Variants in SLC45A3 observed in about 807,000 individuals in gnomAD.
SLC45A3 encodes prostate cancer associated protein 2.
SLC45A3 carries 17 observed loss-of-function variants against 35.3 expected under a neutral mutation model. The observed-to-expected ratio is 0.48, with a 90% CI of 0.33 to 0.72. SLC45A3 has a LOEUF of 0.72. SLC45A3 is among the 30% of genes least tolerant of loss of function. The pLI is 0.02. For synonymous variants in SLC45A3, 288 were observed against 334.3 expected (o/e 0.86, Z 1.51); for missense variants, 597 against 731.7 (o/e 0.82, Z 2.12).
At chr1:205,667,971 TA>T (rs1671145924) in intron 1 of SLC45A3, among the ~76,000 whole-genome samples, 2 of 152,112 alleles carry the variant, frequency 1.3e-5, no homozygotes, top group Non-Finnish European at 2.9e-5. Context: ...CTTTACCTGG[TA>T]ACTTGGGGTT....
At chr1:205,678,613 C>A (rs942330361) in intron 1 of SLC45A3, among the ~76,000 whole-genome samples, 5 of 152,144 alleles carry the variant, frequency 3.3e-5, no homozygotes. Context: ...GGGAAGTTCA[C>A]CACACACTCC....
chr1:205,660,575 C>T (rs1198011208), intron 4 of SLC45A3, among the ~76,000 whole-genome samples: 2 of 152,146 alleles, frequency 1.3e-5, no homozygotes, highest in African/African-American at 2.4e-5. Context: ...AGGCAGACAG[C>T]GTGCAGTGCC....
In SLC45A3 at chr1:205,666,922, T is replaced by TC. The variant is rs988414690; in HGVS notation, c.-230-2037dup. On this transcript the variant is annotated intron_variant, in intron 1 of 4. Transcript: ENST00000367145. This position sits in a 1 kb window ranked among gnomAD's most constrained non-coding sequence, Gnocchi z 4.1. ...GCCAAAGGCTTCCAGCCCATTCCAC[T>TC]CCCCACCCTTGTTCTGGGAGGGCCC... Among the ~76,000 whole-genome samples the TC allele has an allele frequency of 6.6e-6, 1 of 152,056 alleles. No individual in the cohort carries two copies. The highest frequency in any genetic ancestry group is 2.4e-5 in the African/African-American group (1 of 41,396).
At chr1:205,680,170 C>T (rs1348132995) in intron 1 of SLC45A3, among the ~76,000 whole-genome samples, 1 of 151,662 alleles carries the variant, frequency 6.6e-6, no homozygotes, top group Non-Finnish European at 1.5e-5. Context: ...AGCGGGGACC[C>T]GTGCAGGCGC....
rs1287322095 is a variant in SLC45A3 at position 205,662,456 on chromosome 1, G to C, written c.959-330C>G. On this transcript the variant is annotated intron_variant, in intron 3 of 4. Coordinates refer to ENST00000367145, the MANE Select transcript of SLC45A3 (RefSeq NM_033102.3). This position sits in a 1 kb window ranked among gnomAD's most constrained non-coding sequence, Gnocchi z 6.2. ...TTCAAGACGCTTCTAGGACGCCTGA[G>C]CTGGAAGGCGCTGGTGAGATTATTT... 1.5e-6 allele frequency: 2 copies of C among 1,299,380 alleles called. No individual in the cohort carries two copies. The highest frequency in any genetic ancestry group is 3.1e-5 in the East Asian group (1 of 32,324). The allele number at this position is 1,299,380 out of a possible 1,614,324, so 80.5% of individuals were successfully genotyped here.
chr1:205,677,035 A>G (rs1003130945), intron 1 of SLC45A3, among the ~76,000 whole-genome samples: 3 of 152,196 alleles, frequency 2.0e-5, no homozygotes, highest in African/African-American at 7.2e-5. Flanking sequence ...CAGAATCCCA[A>G]CTTCAGGGCA....
intron 1 of SLC45A3, among the ~76,000 whole-genome samples, chr1:205,675,341 T>C (rs1287930594): frequency 1.3e-5 from 2 of 152,208 alleles, no homozygotes; most frequent in Non-Finnish European, 2.9e-5. Flanking sequence ...TTCTAGTTTC[T>C]ATGACCTGCC....
chr1:205,674,643 A>C (rs886181064), intron 1 of SLC45A3, among the ~76,000 whole-genome samples: 4 of 151,348 alleles, frequency 2.6e-5, no homozygotes, highest in African/African-American at 9.7e-5. Context: ...AAAGCATACA[A>C]ATTTATTTGA....
chr1:205,661,809 A>G lies in SLC45A3; in HGVS notation c.1224+52T>C, dbSNP rs1177126602. ...AGGTTCTGAGCTAGTTGGCCTCCCA[A>G]AAACCCAGACCACCCCTCCCACCCT... On this transcript the variant is annotated intron_variant, in intron 4 of 4. Coordinates refer to ENST00000367145, the MANE Select transcript of SLC45A3 (RefSeq NM_033102.3). 3.9e-5 allele frequency: 61 copies of G among 1,568,078 alleles called. No homozygotes were observed. The East Asian group carries it at 1.3e-3, about 34-fold the overall frequency.
intron 1 of SLC45A3, among the ~76,000 whole-genome samples, chr1:205,679,176 A>T (rs1217156666): frequency 1.3e-5 from 2 of 152,204 alleles, no homozygotes; most frequent in Non-Finnish European, 2.9e-5. Context: ...GCAGCAAGAC[A>T]GCAGCTGGGC....
chr1:205,668,084 T>C (rs1277083494), intron 1 of SLC45A3, among the ~76,000 whole-genome samples: 2 of 152,292 alleles, frequency 1.3e-5, no homozygotes, highest in East Asian at 3.9e-4. Flanking sequence ...AGTTCTACTC[T>C]GCCCAGCGGG....
intron 1 of SLC45A3, among the ~76,000 whole-genome samples, chr1:205,674,616 A>C (rs1171761151): frequency 6.6e-6 from 1 of 151,182 alleles, no homozygotes; most frequent in East Asian, 1.9e-4. Context: ...AAAAAAAAAA[A>C]AAAAAAAAAA....
At chr1:205,675,994 C>T (rs1012505378) in intron 1 of SLC45A3, among the ~76,000 whole-genome samples, 15 of 152,176 alleles carry the variant, frequency 9.9e-5, no homozygotes, top group African/African-American at 3.4e-4. Context: ...AGCACAGGCC[C>T]TGAGAAGAGT....
intron 1 of SLC45A3, among the ~76,000 whole-genome samples, chr1:205,679,578 T>C (rs1352641666): frequency 1.3e-5 from 2 of 151,986 alleles, no homozygotes; most frequent in Non-Finnish European, 2.9e-5. Context: ...CTGTTTGCCG[T>C]TTGCAGAACT....
chr1:205,665,575 C>T (rs1553247705), intron 1 of SLC45A3, among the ~76,000 whole-genome samples: 4 of 152,234 alleles, frequency 2.6e-5, no homozygotes, highest in Middle Eastern at 6.8e-3. Context: ...AGAGTGGAGC[C>T]GTCCCCAGGT....
intron 1 of SLC45A3, among the ~76,000 whole-genome samples, chr1:205,668,356 C>T (rs1671152197): frequency 6.6e-6 from 1 of 152,122 alleles, no homozygotes; most frequent in Non-Finnish European, 1.5e-5. Flanking sequence ...AACGGAGGAG[C>T]CCAGCCTTTC....
At chr1:205,674,266 C>CTT (rs1210750898) in intron 1 of SLC45A3, among the ~76,000 whole-genome samples, 1 of 121,848 alleles carries the variant, frequency 8.2e-6, no homozygotes, top group Non-Finnish European at 2.1e-5. Context: ...ACTGACACTT[C>CTT]TATAACGAAA....
intron 1 of SLC45A3, among the ~76,000 whole-genome samples, chr1:205,667,018 C>T (rs1671130137): frequency 6.6e-6 from 1 of 152,160 alleles, no homozygotes; most frequent in African/African-American, 2.4e-5. Context: ...TTGTTAGACC[C>T]AGCCTCGCCT....
rs1425732688 is a variant in SLC45A3 at position 205,659,354 on chromosome 1, G to A, written c.1542C>T (p.Val514=). ...AGGCAGTGACAGACTGGCTGAGCTG[G>A]ACAATGGAGCCCATAAACAGGGATG... ...VAPSLFMGSI[V]QLSQSVTAYM... Residue 514 remains valine, a synonymous_variant, in exon 5 of 5, where the codon GTC becomes GTT. Coordinates refer to ENST00000367145, the MANE Select transcript of SLC45A3 (RefSeq NM_033102.3). The surrounding 1 kb of genome is among the most constrained non-coding windows in gnomAD (Gnocchi z 5.8). The A allele has an allele frequency of 1.2e-6, 2 of 1,614,204 alleles. No homozygotes were observed. The highest frequency in any genetic ancestry group is 1.7e-6 in the Non-Finnish European group (2 of 1,180,042).
Sources: allele counts gnomAD v4.1 joint callset (sites outside exome capture counted in the v4.1 genomes callset), GRCh38; gene constraint gnomAD v4.1.1; non-coding constraint Gnocchi (gnomAD v3.1); transcripts MANE v1.5; gene names NCBI Gene and HGNC (gene_info 2026-07-23, HGNC 2026-07-21).